The following NLGN1 variants were observed in gnomAD, a reference collection of about 807,000 sequenced individuals.
NLGN1 encodes neuroligin 1.
Under a neutral mutation model 65.5 loss-of-function variants are expected in NLGN1, and 12 were observed. The ratio of observed to expected loss-of-function variants is 0.18; its 90% CI spans 0.12 to 0.30. NLGN1 has a LOEUF of 0.30. Among genes scored for constraint, NLGN1 ranks in the 10% least tolerant of loss-of-function variants. NLGN1 has a pLI of 1.00. For missense variants in NLGN1, 750 were observed against 1,007.1 expected (o/e 0.74, Z 3.46); for synonymous variants, 350 against 359.5 (o/e 0.97, Z 0.30).
rs2152892789 is a variant in NLGN1, at chr3:174,279,185, T to G, written c.1184T>G (p.Phe395Cys). ...GTGAACCAAGGGGAAGGGTTAAAAT[T>G]TGTTGAAAATATAGTAGATAGCGAT... is the stretch of plus-strand genomic sequence containing the variant. The change falls in exon 6 of 7, where the codon TTT becomes TGT. Residue 395 changes from phenylalanine (F) to cysteine (C), a missense_variant. Coordinates refer to ENST00000457714, the Ensembl canonical transcript of NLGN1. The surrounding 1 kb of genome is among the most constrained non-coding windows in gnomAD (Gnocchi z 4.7). The G allele has an allele frequency of 6.2e-7, 1 of 1,613,332 alleles. No homozygotes were observed. The highest frequency in any genetic ancestry group is 1.7e-5 in the Admixed American group (1 of 59,916).
chr3:173,978,191 C>G (rs1478708371), intron 4 of NLGN1, among the ~76,000 whole-genome samples: 2 of 152,060 alleles, frequency 1.3e-5, no homozygotes, highest in Middle Eastern at 3.2e-3. Context: ...TCATTTAAGC[C>G]TTCATCATCA....
rs114412505 is a variant in NLGN1, at chr3:173,907,097, G to A, written c.646+99265G>A. On this transcript the variant is annotated intron_variant, in intron 4 of 6. Coordinates refer to ENST00000457714, the Ensembl canonical transcript of NLGN1. ...TTTAAAACTTAAAGAAGTATAATTGGTGACATGAAATATCCACATCTTATT... is the reference window on the plus strand; with the variant it reads ...TTTAAAACTTAAAGAAGTATAATTGATGACATGAAATATCCACATCTTATT... Among the ~76,000 whole-genome samples, 649 of 152,184 alleles carry A rather than the reference G, an allele frequency of 4.3e-3. 5 individuals carry two copies. Among genetic ancestry groups the A allele is most frequent in the African/African-American group, 0.015 (608 of 41,542 alleles).
chr3:173,828,251 A>G (rs577277070), intron 4 of NLGN1, among the ~76,000 whole-genome samples: 1 of 152,148 alleles, frequency 6.6e-6, no homozygotes, highest in South Asian at 2.1e-4. Context: ...ACATTTATCA[A>G]ATTTGACCAT....
intron 4 of NLGN1, among the ~76,000 whole-genome samples, chr3:173,891,076 G>A (rs766115322): frequency 3.3e-5 from 5 of 152,078 alleles, no homozygotes; most frequent in Non-Finnish European, 7.4e-5. Flanking sequence ...TTCAAGCAAG[G>A]CACTTCTCTA....
chr3:173,655,218 A>G (rs1374586082), intron 3 of NLGN1, among the ~76,000 whole-genome samples: 1 of 152,178 alleles, frequency 6.6e-6, no homozygotes, highest in Non-Finnish European at 1.5e-5. Flanking sequence ...CAACACTGTA[A>G]TAGGATTTAT....
chr3:173,615,743 GTTT>G (rs5854521), intron 3 of NLGN1, among the ~76,000 whole-genome samples: 27 of 141,504 alleles, frequency 1.9e-4, no homozygotes, highest in South Asian at 2.3e-4. Context: ...CCATCCATCT[GTTT>G]TTTTTTTTTT....
intron 1 of NLGN1, among the ~76,000 whole-genome samples, chr3:173,403,325 T>C (rs758949102): frequency 3.3e-5 from 5 of 152,158 alleles, no homozygotes; most frequent in Non-Finnish European, 7.4e-5. Context: ...ATGTAAACTA[T>C]AGTTAAATCA....
chr3:173,678,263 T>G (rs1277390222), intron 3 of NLGN1, among the ~76,000 whole-genome samples: 1 of 152,130 alleles, frequency 6.6e-6, no homozygotes, highest in Non-Finnish European at 1.5e-5. Flanking sequence ...CTAGGAAGAC[T>G]AAGATGAATA....
At chr3:173,653,221 A>T (rs1577754704) in intron 3 of NLGN1, among the ~76,000 whole-genome samples, 2 of 152,208 alleles carry the variant, frequency 1.3e-5, no homozygotes, top group East Asian at 3.9e-4. Context: ...TCCGATTTGG[A>T]TGCCTTTTAT....
At chr3:173,808,379 CAAAG>C (rs1717130940) in intron 4 of NLGN1, among the ~76,000 whole-genome samples, 1 of 151,914 alleles carries the variant, frequency 6.6e-6, no homozygotes, top group South Asian at 2.1e-4. Flanking sequence ...TATAAAGTAA[CAAAG>C]AATTCAGTTC....
intron 4 of NLGN1, among the ~76,000 whole-genome samples, chr3:173,813,468 G>A (rs190106057): frequency 1.5e-3 from 233 of 152,292 alleles, no homozygotes; most frequent in African/African-American, 5.4e-3. Flanking sequence ...AGTCCAGACT[G>A]TTTTCATGGA....
Position 174,111,051 on chromosome 3 carries a change from A to G in NLGN1, c.647-164264A>G, listed in dbSNP as rs980155421. ...ATTAAGCAACAGTAATTTCTCATGGATTGGCCAGAATACACTGTATTTAAG... is the reference window on the plus strand; with the variant it reads ...ATTAAGCAACAGTAATTTCTCATGGGTTGGCCAGAATACACTGTATTTAAG... On this transcript the variant is annotated intron_variant, in intron 4 of 6. Transcript: ENST00000457714. Among the ~76,000 whole-genome samples the G allele has an allele frequency of 4.6e-5, 7 of 152,130 alleles. No homozygotes were observed. The East Asian group carries it at 1.4e-3, about 29-fold the overall frequency.
intron 4 of NLGN1, among the ~76,000 whole-genome samples, chr3:174,077,300 A>G (rs1741211884): frequency 6.6e-6 from 1 of 152,142 alleles, no homozygotes. Flanking sequence ...ATCCAAATGC[A>G]TCAACCTAGA....
intron 4 of NLGN1, among the ~76,000 whole-genome samples, chr3:173,893,298 G>A (rs974256816): frequency 3.3e-5 from 5 of 152,192 alleles, no homozygotes; most frequent in Non-Finnish European, 7.3e-5. Context: ...TTTGAAGTAT[G>A]TGTATTCTGA....
intron 4 of NLGN1, among the ~76,000 whole-genome samples, chr3:173,855,476 A>T (rs891205655): frequency 3.3e-5 from 5 of 150,396 alleles, no homozygotes; most frequent in African/African-American, 1.2e-4. Flanking sequence ...TTGGCAAAAA[A>T]GTTTTATTGC....
At chr3:173,990,815 C>T (rs1720934507) in intron 4 of NLGN1, among the ~76,000 whole-genome samples, 1 of 152,056 alleles carries the variant, frequency 6.6e-6, no homozygotes, top group Non-Finnish European at 1.5e-5. Flanking sequence ...TTAAAAGAAA[C>T]AATTGTAATG....
At chr3:173,477,166 G>A (rs1258720168) in intron 2 of NLGN1, among the ~76,000 whole-genome samples, 2 of 152,104 alleles carry the variant, frequency 1.3e-5, no homozygotes, top group Non-Finnish European at 2.9e-5. Flanking sequence ...TAATGTAAGT[G>A]GGTGTCAATG....
At chr3:174,245,692 AG>A (rs1427459354) in intron 4 of NLGN1, among the ~76,000 whole-genome samples, 1 of 152,212 alleles carries the variant, frequency 6.6e-6, no homozygotes, top group Non-Finnish European at 1.5e-5. Flanking sequence ...TTGATATCAT[AG>A]ATTATATATA....
intron 4 of NLGN1, among the ~76,000 whole-genome samples, chr3:173,827,629 A>G (rs940059330): frequency 5.9e-4 from 86 of 147,000 alleles, no homozygotes; most frequent in African/African-American, 1.7e-3. Context: ...TATTTATGAT[A>G]TGTGTGTGTG....
Sources: gnomAD v4.1 joint callset for allele counts (sites outside exome capture counted in the v4.1 genomes callset) on GRCh38, gnomAD v4.1.1 for gene constraint, Gnocchi (gnomAD v3.1) non-coding constraint, MANE v1.5 for transcripts, NCBI Gene and HGNC (gene_info 2026-07-23, HGNC 2026-07-21) for gene names.